The following EXO1 variants were observed in gnomAD, a reference collection of about 807,000 sequenced individuals.
EXO1 encodes the protein exonuclease 1.
In EXO1, 69 loss-of-function variants were observed where a neutral mutation model predicts 84.5. The observed-to-expected ratio is 0.82, with a 90% CI of 0.67 to 1.00. EXO1 has a LOEUF of 1.00. EXO1 is among the 50% of genes least tolerant of loss of function. The pLI is 0.00. For missense variants in EXO1, 1,045 were observed against 1,000.7 expected (o/e 1.04, Z -0.60); for synonymous variants, 373 against 366.1 (o/e 1.02, Z -0.21).
intron 11 of EXO1, 121 bp from the exon 12 acceptor site, chr1:241,871,911 G>GTTT (rs35496250): frequency 0.013 from 6,872 of 513,834 alleles, 6 homozygotes; most frequent in South Asian, 0.022. Context: ...CTGAGGCATA[G>GTTT]TTTTTTTTTT....
intron 12 of EXO1, among the ~76,000 whole-genome samples, chr1:241,877,490 C>G (rs1001334031): frequency 6.6e-6 from 1 of 152,012 alleles, no homozygotes; most frequent in African/African-American, 2.4e-5. Flanking sequence ...CTTCCTGCCC[C>G]CTCCCCATAC....
intron 12 of EXO1, among the ~76,000 whole-genome samples, chr1:241,876,263 T>G (rs1035179180): frequency 2.0e-5 from 3 of 152,198 alleles, no homozygotes; most frequent in Admixed American, 2.0e-4. Flanking sequence ...ATGTGTCATT[T>G]TATGGCTTAC....
chr1:241,865,884 G>T (rs1574154176), intron 10 of EXO1, among the ~76,000 whole-genome samples: 1 of 152,092 alleles, frequency 6.6e-6, no homozygotes, highest in African/African-American at 2.4e-5. Flanking sequence ...TTCTCAAAGG[G>T]TATTCTGAAT....
chr1:241,871,010 A>G (rs78017963), intron 11 of EXO1, among the ~76,000 whole-genome samples: 11,838 of 152,202 alleles, frequency 0.078, 723 homozygotes, highest in Admixed American at 0.19. Context: ...GAGACACTCA[A>G]ATGTCTTGCC....
chr1:241,887,882 A>C (rs1663156389), intron 15 of EXO1, among the ~76,000 whole-genome samples: 1 of 151,958 alleles, frequency 6.6e-6, no homozygotes. Flanking sequence ...CAAGTGATCC[A>C]CCTGCTTCAA....
chr1:241,873,471 T>G (rs1344455650), intron 12 of EXO1, among the ~76,000 whole-genome samples: 1 of 152,136 alleles, frequency 6.6e-6, no homozygotes, highest in African/African-American at 2.4e-5. Context: ...AGAAATTGTT[T>G]TTTTGGGGAG....
chr1:241,882,635 TA>T (rs906092366), intron 14 of EXO1, among the ~76,000 whole-genome samples: 3 of 152,164 alleles, frequency 2.0e-5, no homozygotes, highest in African/African-American at 7.2e-5. Context: ...TTTCCTAACT[TA>T]AAAGATGGAT....
chr1:241,881,875 A>C (rs774096376), intron 13 of EXO1, 41 bp from the exon 14 acceptor site: 2 of 1,041,764 alleles, frequency 1.9e-6, no homozygotes, highest in African/African-American at 1.6e-5. Flanking sequence ...TTCTACAGTA[A>C]AAATCTAATT....
At chr1:241,857,324 C>G in intron 6 of EXO1, 21 bp from the exon 7 acceptor site, 1 of 1,611,592 alleles carries the variant, frequency 6.2e-7, no homozygotes, top group Non-Finnish European at 8.5e-7. Flanking sequence ...GCTAGAGATT[C>G]ACTGTGATTC....
chr1:241,888,509 A>C (rs776650969), intron 15 of EXO1, among the ~76,000 whole-genome samples: 21 of 152,214 alleles, frequency 1.4e-4, no homozygotes, highest in Admixed American at 1.4e-3. Context: ...ACAAAGTCTG[A>C]ATATTGTAAG....
intron 12 of EXO1, among the ~76,000 whole-genome samples, chr1:241,874,554 A>G (rs1368095513): frequency 6.6e-6 from 1 of 152,226 alleles, no homozygotes; most frequent in Non-Finnish European, 1.5e-5. Context: ...GGCTGTTGCC[A>G]TAGTCCCTGG....
chr1:241,879,779 C>G (rs570912975), intron 13 of EXO1, among the ~76,000 whole-genome samples: 3 of 151,972 alleles, frequency 2.0e-5, no homozygotes, highest in Non-Finnish European at 2.9e-5. Flanking sequence ...CCGAGGCGAG[C>G]GGATCACTTG....
At position 241,881,974 on chromosome 1, in the gene EXO1, GT is replaced by G; in HGVS notation, c.2171del (p.Leu724TyrfsTer11). 1.3e-6 allele frequency: 2 copies of G among 1,580,230 alleles called. No homozygotes were observed. The highest frequency in any genetic ancestry group is 1.7e-6 in the Non-Finnish European group (2 of 1,151,228). ...DSQSDQTSKL[R>X]LSHFSKKDTP... is the part of the protein sequence containing the mutation. The stretch of plus-strand genomic sequence containing the variant: ...CAAAGTGACCAGACCTCCAAGCTAC[GT>G]TTATCTCATTTCTCAAAAAAAGACA... On this transcript the variant is annotated frameshift_variant, in exon 14 of 16. Coordinates refer to ENST00000366548, the MANE Select transcript of EXO1 (RefSeq NM_130398.4). LOFTEE classifies it high-confidence loss of function.
intron 9 of EXO1, 144 bp from the exon 10 acceptor site, chr1:241,861,262 A>G (rs1661365966): frequency 3.1e-6 from 2 of 653,378 alleles, no homozygotes; most frequent in Admixed American, 2.3e-5. Context: ...GCTTTCAGTA[A>G]TGCTGATGTA....
chr1:241,874,100 T>C (rs550849756), intron 12 of EXO1, among the ~76,000 whole-genome samples: 1 of 152,272 alleles, frequency 6.6e-6, no homozygotes, highest in African/African-American at 2.4e-5. Context: ...TTAGAGGCGA[T>C]AGAAACATTG....
chr1:241,885,358 A>G lies in EXO1; in HGVS notation c.2256A>G (p.Thr752=). 6.2e-7 allele frequency: 1 copy of G among 1,614,016 alleles called. No individual in the cohort carries two copies. The highest frequency in any genetic ancestry group is 8.5e-7 in the Non-Finnish European group (1 of 1,179,958). ...YKSSSADSLS[T]TKIKPLGPAR... is the part of the protein sequence containing the mutation. ...CCAGTTCTGCAGACTCTCTTTCTAC[A>G]ACCAAGATCAAACCTCTAGGACCTG... The change falls in exon 15 of 16, where the codon ACA becomes ACG. Residue 752 remains threonine (T), a synonymous_variant. Transcript: ENST00000366548.
chr1:241,887,348 A>G (rs1022517623), intron 15 of EXO1, among the ~76,000 whole-genome samples: 2 of 152,122 alleles, frequency 1.3e-5, no homozygotes, highest in African/African-American at 4.8e-5. Flanking sequence ...TGCCTGGCCT[A>G]CACTGGTGCA....
intron 6 of EXO1, among the ~76,000 whole-genome samples, chr1:241,856,549 C>G (rs766148854): frequency 6.6e-6 from 1 of 151,930 alleles, no homozygotes; most frequent in African/African-American, 2.4e-5. Flanking sequence ...CATATACCTA[C>G]GTATATATTT....
At chr1:241,875,284 G>A (rs1464612731) in intron 12 of EXO1, among the ~76,000 whole-genome samples, 3 of 152,124 alleles carry the variant, frequency 2.0e-5, no homozygotes, top group Non-Finnish European at 2.9e-5. Flanking sequence ...GATTACAGGC[G>A]TGAGTCACCA....
Sources: allele counts gnomAD v4.1 joint callset (sites outside exome capture counted in the v4.1 genomes callset), GRCh38; gene constraint gnomAD v4.1.1; transcripts MANE v1.5; gene names NCBI Gene and HGNC (gene_info 2026-07-23, HGNC 2026-07-21).